UNK: variants seen among roughly 807,000 people sequenced by gnomAD.
UNK encodes unk zinc finger.
In UNK, 32 loss-of-function variants were observed where a neutral mutation model predicts 97.6. The observed-to-expected ratio is 0.33, with a 90% CI of 0.25 to 0.44. UNK has a LOEUF of 0.44. Among genes scored for constraint, UNK ranks in the 20% least tolerant of loss-of-function variants. The pLI is 1.00. For missense variants in UNK, 771 were observed against 1,098.4 expected, an observed-to-expected ratio of 0.70 and a Z score of 4.21; for synonymous variants, 441 against 461.2, an observed-to-expected ratio of 0.96 and a Z score of 0.56.
At chr17:75,799,259 T>C (rs967910725) in intron 1 of UNK, among the ~76,000 whole-genome samples, 6 of 152,100 alleles carry the variant, frequency 3.9e-5, no homozygotes, top group African/African-American at 1.4e-4. Flanking sequence ...TGACCTGTAA[T>C]TGCACTACTG....
chr17:75,823,338 T>A lies in UNK; in HGVS notation c.2093T>A (p.Leu698Gln). The A allele has an allele frequency of 6.2e-7, 1 of 1,611,352 alleles. No individual in the cohort carries two copies. Residue 698 changes from leucine (L) to glutamine (Q), a missense_variant, in exon 15 of 16, where the codon CTG (leucine) becomes CAG (glutamine). Transcript: ENST00000589666. Reference protein sequence around the residue: ...RASAAGAECELAREQRDALEV... With the variant: ...RASAAGAECEQAREQRDALEV... ...AGTGCGGCGGGCGCCGAGTGCGAGC[T>A]GGCCCGGGAGCAGCGGGATGCACTG... is the stretch of plus-strand genomic sequence containing the variant.
At position 75,796,834 on chromosome 17, in the gene UNK, A is replaced by G. The variant is rs541288108; in HGVS notation, c.104+11850A>G. 5.9e-5 allele frequency among the ~76,000 whole-genome samples: 9 copies of G among 152,360 alleles called. No individual in the cohort carries two copies. The South Asian group carries it at 1.7e-3, about 28-fold the overall frequency. On this transcript the variant is annotated intron_variant, in intron 1 of 15. Transcript: ENST00000589666. ...ATACATACTTGGATAAATAATTTAG[A>G]ATTTTAACCCATGGCTCATATGCTC... is the stretch of plus-strand genomic sequence containing the variant.
chr17:75,820,181 C>T (rs1379064535), intron 13 of UNK, 73 bp downstream of exon 13: 1 of 1,474,876 alleles, frequency 6.8e-7, no homozygotes, highest in Non-Finnish European at 9.2e-7. Context: ...CTCTGGCCAC[C>T]CCATCTACGG....
chr17:75,812,008 C>CA (rs372489241), intron 2 of UNK, 104 bp from the exon 3 acceptor site: 81 of 1,189,886 alleles, frequency 6.8e-5, no homozygotes, highest in South Asian at 8.9e-5. Context: ...AACAAACAAA[C>CA]AACAACAACA....
chr17:75,819,605 T>C lies in UNK; in HGVS notation c.1547-79T>C. 7.5e-7 allele frequency: 1 copy of C among 1,336,284 alleles called. No homozygotes were observed. Among genetic ancestry groups the C allele is most frequent in the Non-Finnish European group, 1.1e-6 (1 of 930,946 alleles). 82.8% of individuals were successfully genotyped at this position (1,336,284 alleles called of 1,614,324 possible). On this transcript the variant is annotated intron_variant, in intron 11 of 15. Coordinates refer to ENST00000589666, the MANE Select transcript of UNK (RefSeq NM_001080419.3). The surrounding 1 kb of genome is among the most constrained non-coding windows in gnomAD (Gnocchi z 5.4). ...ACCCAGCGTAGCATGGGCGTGAAGATGCAGCGTGGGCAGTAGACGAGGTGG... is the reference window on the plus strand; with the variant it reads ...ACCCAGCGTAGCATGGGCGTGAAGACGCAGCGTGGGCAGTAGACGAGGTGG...
chr17:75,821,994 G>A (rs575337606), intron 13 of UNK: 19 of 298,340 alleles, frequency 6.4e-5, no homozygotes, highest in Non-Finnish European at 7.8e-5. Context: ...TGGCCCCAAG[G>A]CTCCCTGAGC....
At position 75,822,650 on chromosome 17, in the gene UNK, G is replaced by A. The variant is rs1180458438; in HGVS notation, c.2011G>A (p.Ala671Thr). 1.2e-6 allele frequency: 2 copies of A among 1,604,238 alleles called. No homozygotes were observed. Among genetic ancestry groups the A allele is most frequent in the Non-Finnish European group, 1.7e-6 (2 of 1,175,036 alleles). ...GCAGTGGGAGGAGTCCTGGAAGCAG[G>A]CCAAGCAGGTACCAGGCCCCGTGCC... ...IKQWEESWKQ[A>T]KQACDAWKKE... Residue 671 changes from alanine (A) to threonine (T), a missense_variant, in exon 14 of 16, where the codon GCC (alanine) becomes ACC (threonine). Coordinates refer to ENST00000589666, the MANE Select transcript of UNK (RefSeq NM_001080419.3).
chr17:75,800,194 G>A (rs1271213806), intron 1 of UNK, among the ~76,000 whole-genome samples: 1 of 152,060 alleles, frequency 6.6e-6, no homozygotes, highest in African/African-American at 2.4e-5. Flanking sequence ...TCAGCCTCCT[G>A]AGTAGCTGGG....
chr17:75,805,669 C>T lies in UNK; in HGVS notation c.105-4091C>T, dbSNP rs544243323. On this transcript the variant is annotated intron_variant, in intron 1 of 15. Coordinates refer to ENST00000589666, the MANE Select transcript of UNK (RefSeq NM_001080419.3). ...AAAAATTTAGCTGGGCATGGGGGCA[C>T]GCGCCTATAGTCCAGCTACTCCAGA... is the stretch of plus-strand genomic sequence containing the variant. 1.8e-3 allele frequency among the ~76,000 whole-genome samples: 278 copies of T among 151,484 alleles called. 1 individual carries two copies. Among genetic ancestry groups the T allele is most frequent in the African/African-American group, 6.3e-3 (262 of 41,288 alleles).
intron 2 of UNK, 34 bp downstream of exon 2, chr17:75,810,003 G>T: frequency 6.2e-7 from 1 of 1,609,746 alleles, no homozygotes; most frequent in Non-Finnish European, 8.5e-7. Context: ...GAGGAGCCCC[G>T]TGTCTCCTTC....
intron 1 of UNK, among the ~76,000 whole-genome samples, chr17:75,801,858 T>G (rs1395959879): frequency 2.0e-5 from 3 of 151,458 alleles, no homozygotes; most frequent in African/African-American, 7.3e-5. Flanking sequence ...CAGCCTTTTT[T>G]TTTTTTTTGG....
At chr17:75,794,366 G>A (rs1473625887) in intron 1 of UNK, among the ~76,000 whole-genome samples, 1 of 152,184 alleles carries the variant, frequency 6.6e-6, no homozygotes, top group African/African-American at 2.4e-5. Flanking sequence ...GCCGGGCATG[G>A]TGGCTCACGC....
intron 13 of UNK, among the ~76,000 whole-genome samples, chr17:75,820,507 A>C (rs1599390810): frequency 6.6e-6 from 1 of 152,192 alleles, no homozygotes. Context: ...CGCACCAGCC[A>C]GGTTCACAGG....
In UNK at chr17:75,812,545, C is replaced by A; in HGVS notation, c.582C>A (p.Ala194=). 1 of 1,613,210 alleles carries A rather than the reference C, an allele frequency of 6.2e-7. No homozygotes were observed. Among genetic ancestry groups the A allele is most frequent in the South Asian group, 1.1e-5 (1 of 91,030 alleles). ...AGTCGGCTGGGGCTGCGAGCCATGC[C>A]ATGATAGAAAAGATCCTCAGCGAGG... ...EGQSAGAASH[A]MIEKILSEEP... is the part of the protein sequence containing the mutation. The change falls in exon 4 of 16, where the codon GCC becomes GCA. Residue 194 remains alanine (A), a synonymous_variant. Coordinates refer to ENST00000589666, the MANE Select transcript of UNK (RefSeq NM_001080419.3).
At position 75,817,550 on chromosome 17, in the gene UNK, T is replaced by C. The variant is rs368776658; in HGVS notation, c.1305+24T>C. 215 of 1,583,066 alleles carry C rather than the reference T, an allele frequency of 1.4e-4. No individual in the cohort carries two copies. The highest frequency in any genetic ancestry group is 2.3e-4 in the Admixed American group (13 of 56,470). On this transcript the variant is annotated intron_variant, in intron 9 of 15. Coordinates refer to ENST00000589666, the MANE Select transcript of UNK (RefSeq NM_001080419.3). This position sits in a 1 kb window ranked among gnomAD's most constrained non-coding sequence, Gnocchi z 5.8. ...AGGTAAGGGATGAGGGAGGCAGCAG[T>C]GAGGTTAGCCTTCTCCTGCGTGGGG... is the stretch of plus-strand genomic sequence containing the variant.
chr17:75,813,267 T>C, intron 5 of UNK, 54 bp downstream of exon 5: 1 of 1,530,814 alleles, frequency 6.5e-7, no homozygotes, highest in South Asian at 1.2e-5. Flanking sequence ...AGGGAAGGGG[T>C]CAGGCAGAGG....
At position 75,785,145 on chromosome 17, in the gene UNK, G is replaced by C. The variant is rs374674737; in HGVS notation, c.104+161G>C. On this transcript the variant is annotated intron_variant, in intron 1 of 15. Coordinates refer to ENST00000589666, the MANE Select transcript of UNK (RefSeq NM_001080419.3). ...CAACCTGCTGGGGCCGGTCCCAACT[G>C]CCTCCAACTGCCACCAACCTCTGGT... The C allele has an allele frequency of 1.1e-5, 6 of 529,132 alleles. No homozygotes were observed. In the East Asian group the frequency reaches 1.4e-4, roughly 12 times the overall value. The allele number at this position is 529,132 out of a possible 1,614,324, so 32.8% of individuals were successfully genotyped here.
chr17:75,818,135 G>C lies in UNK; in HGVS notation c.1338G>C (p.Arg446Ser), dbSNP rs756236318. The change falls in exon 10 of 16, where the codon AGG (arginine) becomes AGC (serine). Residue 446 changes from arginine to serine, a missense_variant. This residue lies in a region of UNK where 192 missense variants were observed against 202.4 expected (regional missense o/e 0.95). Coordinates refer to ENST00000589666, the MANE Select transcript of UNK (RefSeq NM_001080419.3). This position sits in a 1 kb window ranked among gnomAD's most constrained non-coding sequence, Gnocchi z 5.1. The stretch of plus-strand genomic sequence containing the variant: ...TAAAACCCCACTCATTAGAGCCCAG[G>C]AGTCAAGAGCAGCCTCTGCTTCAGC... ...AKLKPHSLEP[R>S]SQEQPLLQPK... 9.9e-6 allele frequency: 16 copies of C among 1,613,462 alleles called. No homozygotes were observed. The highest frequency in any genetic ancestry group is 7.7e-5 in the South Asian group (7 of 91,070).
chr17:75,803,180 T>C (rs879865907), intron 1 of UNK, among the ~76,000 whole-genome samples: 41 of 151,762 alleles, frequency 2.7e-4, no homozygotes, highest in South Asian at 1.0e-3. Context: ...GGGCACATCA[T>C]GAGGTCAGGA....
Sources: allele counts gnomAD v4.1 joint callset (sites outside exome capture counted in the v4.1 genomes callset), GRCh38; gene constraint gnomAD v4.1.1; regional missense constraint gnomAD v4.1.1; non-coding constraint Gnocchi (gnomAD v3.1); transcripts MANE v1.5; gene names NCBI Gene and HGNC (gene_info 2026-07-23, HGNC 2026-07-21).